Variants in ATF7IP observed in about 807,000 individuals in gnomAD.
The protein encoded by ATF7IP is activating transcription factor 7 interacting protein.
A neutral mutation model predicts 106.4 loss-of-function variants in ATF7IP; 23 were observed. The observed-to-expected ratio is 0.22, with a 90% confidence interval of 0.16 to 0.31. The LOEUF is 0.31. Ranked by LOEUF, ATF7IP falls within the 10% of genes least tolerant of loss-of-function variation. The probability of loss-of-function intolerance (pLI) is 1.00; values close to 1 mark genes in which losing one functional copy is unlikely to be tolerated. For missense variants in ATF7IP, 1,334 were observed against 1,524.3 expected, an observed-to-expected ratio of 0.88 and a Z score of 2.08; for synonymous variants, 542 against 539.0, an observed-to-expected ratio of 1.01 and a Z score of -0.08.
At chr12:14,390,060 A>G (rs1184256378) in intron 1 of ATF7IP, among the ~76,000 whole-genome samples, 1 of 152,214 alleles carries the variant, frequency 6.6e-6, no homozygotes, top group Non-Finnish European at 1.5e-5. Flanking sequence ...TCTCCTTCAG[A>G]TAGGGCCTTC....
chr12:14,457,082 T>C (rs997457973), intron 7 of ATF7IP, 125 bp from the exon 8 acceptor site: 23 of 750,862 alleles, frequency 3.1e-5, no homozygotes, highest in Non-Finnish European at 4.9e-5. Context: ...GCTTGCAGTT[T>C]AGGATTGTGA....
chr12:14,489,201 C>A (rs370556397), intron 13 of ATF7IP, among the ~76,000 whole-genome samples: 19 of 152,140 alleles, frequency 1.2e-4, no homozygotes, highest in Non-Finnish European at 4.4e-5. Flanking sequence ...TACTAACAGA[C>A]GCCTTAATGG....
intron 1 of ATF7IP, among the ~76,000 whole-genome samples, chr12:14,410,645 C>T (rs893266231): frequency 1.4e-4 from 22 of 152,088 alleles, no homozygotes; most frequent in African/African-American, 4.3e-4. Context: ...ATAGTAAGAA[C>T]TATCTTATAC....
chr12:14,402,572 G>GT (rs1339808237), intron 1 of ATF7IP, among the ~76,000 whole-genome samples: 15 of 149,426 alleles, frequency 1.0e-4, no homozygotes, highest in Admixed American at 4.0e-4. Flanking sequence ...AATATGTCAT[G>GT]TAAGTGTTTC....
chr12:14,443,414 A>C (rs75073160), intron 5 of ATF7IP, among the ~76,000 whole-genome samples: 546 of 152,338 alleles, frequency 3.6e-3, no homozygotes, highest in Non-Finnish European at 6.9e-3. Context: ...ATTCCCCAGC[A>C]TAGATTTCTC....
At chr12:14,453,752 G>A (rs1471095027) in intron 6 of ATF7IP, among the ~76,000 whole-genome samples, 1 of 151,962 alleles carries the variant, frequency 6.6e-6, no homozygotes, top group Non-Finnish European at 1.5e-5. Context: ...AGCCTCCTGA[G>A]TGGCTGGGGT....
intron 13 of ATF7IP, among the ~76,000 whole-genome samples, chr12:14,486,067 C>T (rs1944599648): frequency 6.6e-6 from 1 of 152,172 alleles, no homozygotes; most frequent in South Asian, 2.1e-4. Flanking sequence ...CTCACCCTAC[C>T]AGTCAAGGAG....
intron 9 of ATF7IP, among the ~76,000 whole-genome samples, chr12:14,464,511 G>A (rs373482463): frequency 6.6e-6 from 1 of 152,224 alleles, no homozygotes; most frequent in East Asian, 1.9e-4. Flanking sequence ...ACTTTTATTT[G>A]TATTTTTATG....
chr12:14,495,310 T>C (rs998666536), intron 13 of ATF7IP, among the ~76,000 whole-genome samples: 2 of 152,222 alleles, frequency 1.3e-5, no homozygotes, highest in South Asian at 2.1e-4. Flanking sequence ...ATCACACATA[T>C]GTTGTAGTTT....
chr12:14,393,837 TAATA>T (rs2136441870), intron 1 of ATF7IP, among the ~76,000 whole-genome samples: 1 of 152,220 alleles, frequency 6.6e-6, no homozygotes, highest in African/African-American at 2.4e-5. Context: ...TATTAGTAGA[TAATA>T]AATTAACTAA....
Position 14,481,018 on chromosome 12 carries a change from A to G in ATF7IP, c.3113A>G (p.Asn1038Ser). The part of the protein sequence containing the change: ...HLLPTAPTTV[N>S]VTHRPVTQVT... ...CTTGCATTAGCTCCAACTACCGTGA[A>G]TGTAACACATCGTCCAGTAACTCAG... is the stretch of plus-strand genomic sequence containing the variant. Residue 1038 changes from asparagine to serine, a missense_variant, in exon 13 of 15, where the codon AAT (asparagine) becomes AGT (serine). This residue lies in a region of ATF7IP where 370 missense variants were observed against 401.2 expected (regional missense o/e 0.92). Coordinates refer to ENST00000261168, the MANE Select transcript of ATF7IP (RefSeq NM_018179.5). The G allele has an allele frequency of 6.2e-7, 1 of 1,613,950 alleles. No homozygotes were observed. Among genetic ancestry groups the G allele is most frequent in the South Asian group, 1.1e-5 (1 of 91,082 alleles).
intron 6 of ATF7IP, among the ~76,000 whole-genome samples, chr12:14,451,429 G>T (rs1400367300): frequency 1.3e-5 from 2 of 151,554 alleles, no homozygotes; most frequent in Non-Finnish European, 2.9e-5. Context: ...CTAATTTTGG[G>T]TTTAGTTTTT....
intron 6 of ATF7IP, among the ~76,000 whole-genome samples, chr12:14,449,682 T>C (rs1943119829): frequency 1.3e-5 from 2 of 150,888 alleles, no homozygotes; most frequent in African/African-American, 4.9e-5. Flanking sequence ...CAAGATCCTT[T>C]GAGATTCCAT....
intron 6 of ATF7IP, among the ~76,000 whole-genome samples, chr12:14,452,383 T>C (rs1466182045): frequency 6.6e-6 from 1 of 152,198 alleles, no homozygotes; most frequent in East Asian, 1.9e-4. Context: ...GTCATTTTGT[T>C]TTTTTCTCTA....
intron 1 of ATF7IP, among the ~76,000 whole-genome samples, chr12:14,368,822 A>G (rs1043311015): frequency 6.6e-6 from 1 of 152,160 alleles, no homozygotes; most frequent in Non-Finnish European, 1.5e-5. Context: ...ATTTGTTGGT[A>G]ACAGCTACTT....
chr12:14,500,709 TTATTTA>T lies in ATF7IP; in HGVS notation c.*2643_*2648del, dbSNP rs1407700961. 1 of 152,194 alleles carries T rather than the reference TTATTTA, an allele frequency of 6.6e-6. No individual in the cohort carries two copies. Among genetic ancestry groups the T allele is most frequent in the African/African-American group, 2.4e-5 (1 of 41,458 alleles). 9.4% of individuals were successfully genotyped at this position (152,194 alleles called of 1,614,324 possible). A position where few individuals can be genotyped will look rare whatever the true frequency, so the allele number is the denominator to read the frequency against. ...CAAAAGGTTCTCTTGATGAACATTTTTATTTATATTTACTAATCTTTTTTAAAAAAA... is the reference window on the plus strand; with the variant it reads ...CAAAAGGTTCTCTTGATGAACATTTTTATTTACTAATCTTTTTTAAAAAAA... On this transcript the variant is annotated 3_prime_UTR_variant, in exon 15 of 15. Transcript: ENST00000261168.
chr12:14,463,049 C>T (rs904171561), intron 9 of ATF7IP, among the ~76,000 whole-genome samples: 1 of 151,754 alleles, frequency 6.6e-6, no homozygotes, highest in African/African-American at 2.4e-5. Flanking sequence ...GTTATTTGAT[C>T]AGGTATAATT....
intron 4 of ATF7IP, 137 bp downstream of exon 4, chr12:14,436,388 T>G (rs1369948231): frequency 2.2e-6 from 2 of 921,540 alleles, no homozygotes; most frequent in Admixed American, 2.7e-5. Context: ...AGAAAGTGGT[T>G]GAGCTTTTAA....
intron 1 of ATF7IP, among the ~76,000 whole-genome samples, chr12:14,399,672 ATTTC>A (rs918180160): frequency 2.7e-5 from 4 of 147,022 alleles, no homozygotes; most frequent in African/African-American, 1.0e-4. Flanking sequence ...TTCTGGGTAT[ATTTC>A]TTATGTGTTT....
Sources: allele counts gnomAD v4.1 joint callset (sites outside exome capture counted in the v4.1 genomes callset), GRCh38; gene constraint gnomAD v4.1.1; regional missense constraint gnomAD v4.1.1; transcripts MANE v1.5; gene names NCBI Gene and HGNC (gene_info 2026-07-23, HGNC 2026-07-21).